The following TNFSF4 variants were observed in gnomAD, a reference collection of about 807,000 sequenced individuals.
The protein encoded by TNFSF4 is TNF superfamily member 4.
TNFSF4 carries 4 observed loss-of-function variants against 7.3 expected under a neutral mutation model. That is an observed-to-expected ratio of 0.55 (90% CI 0.27 to 1.25). The LOEUF is 1.25. Among genes scored for constraint, TNFSF4 ranks in the 50% most tolerant of loss-of-function variants. The probability of loss-of-function intolerance (pLI) is 0.12; values close to 1 mark genes in which losing one functional copy is unlikely to be tolerated. For synonymous variants in TNFSF4, 76 were observed against 83.7 expected, an observed-to-expected ratio of 0.91 and a Z score of 0.50; for missense variants, 181 against 208.8, an observed-to-expected ratio of 0.87 and a Z score of 0.82.
chr1:173,447,799 T>C, the TNFSF4 span, among the ~76,000 whole-genome samples: 1 of 152,098 alleles, frequency 6.6e-6, no homozygotes, highest in East Asian at 1.9e-4. Context: ...TTACATTAAA[T>C]ATAAATTATC....
At chr1:173,211,249 C>T (rs3861953), upstream of TNFSF4, among the ~76,000 whole-genome samples, 10,818 of 152,226 alleles carry the variant, frequency 0.071, 475 homozygotes, top group East Asian at 0.15. Flanking sequence ...TCGGAGGTGA[C>T]AGAAACAAAT....
At position 173,185,390 on chromosome 1, in the gene TNFSF4, T is replaced by C. The variant is rs1328361240; in HGVS notation, c.*1126A>G. The stretch of plus-strand genomic sequence containing the variant: ...TTGAAGCCCTGGCATAGGCTGATTA[T>C]AGACCCTTCTAGTTTCAATTATCAA... On this transcript the variant is annotated 3_prime_UTR_variant, in exon 3 of 3. Transcript: ENST00000281834. 1.3e-5 allele frequency: 2 copies of C among 152,206 alleles called. No individual in the cohort carries two copies. Among genetic ancestry groups the C allele is most frequent in the Non-Finnish European group, 2.9e-5 (2 of 68,032 alleles). 9.4% of individuals were successfully genotyped at this position (152,206 alleles called of 1,614,324 possible). A position where few individuals can be genotyped will look rare whatever the true frequency, so the allele number is the denominator to read the frequency against.
intron 1 of TNFSF4, among the ~76,000 whole-genome samples, chr1:173,197,387 T>C (rs1283993102): frequency 2.6e-5 from 4 of 152,226 alleles, no homozygotes; most frequent in Non-Finnish European, 5.9e-5. Context: ...CATGCACACA[T>C]ATGTTCATTG....
chr1:173,317,681 AAAG>A, the TNFSF4 span, among the ~76,000 whole-genome samples: 1 of 152,248 alleles, frequency 6.6e-6, no homozygotes, highest in Admixed American at 6.5e-5. Flanking sequence ...CAATGAATGG[AAAG>A]AAGAATATTA....
At chr1:173,250,106 T>C in the TNFSF4 span, among the ~76,000 whole-genome samples, 1 of 152,246 alleles carries the variant, frequency 6.6e-6, no homozygotes, top group Admixed American at 6.5e-5. Flanking sequence ...TCCCTGTTCG[T>C]CAGTGCACCT....
chr1:173,337,245 G>C, the TNFSF4 span, among the ~76,000 whole-genome samples: 1 of 152,150 alleles, frequency 6.6e-6, no homozygotes, highest in Non-Finnish European at 1.5e-5. Context: ...CTCTTGGCCT[G>C]CTACTGGCCT....
At chr1:173,208,056 A>G (rs1411892754), upstream of TNFSF4, among the ~76,000 whole-genome samples, 2 of 152,240 alleles carry the variant, frequency 1.3e-5, no homozygotes, top group East Asian at 1.9e-4. Flanking sequence ...ACAAATGAAT[A>G]GATGTAAATA....
At chr1:173,355,841 T>G in the TNFSF4 span, among the ~76,000 whole-genome samples, 218 of 152,322 alleles carry the variant, frequency 1.4e-3, 1 homozygote, top group African/African-American at 4.8e-3. Context: ...AAGCCACAGT[T>G]CCCATACTCA....
chr1:173,336,839 CT>C, the TNFSF4 span, among the ~76,000 whole-genome samples: 1 of 151,930 alleles, frequency 6.6e-6, no homozygotes, highest in South Asian at 2.1e-4. Flanking sequence ...GGAGACATCG[CT>C]TCGAAAAGTA....
At chr1:173,307,780 G>A in the TNFSF4 span, among the ~76,000 whole-genome samples, 5 of 151,882 alleles carry the variant, frequency 3.3e-5, no homozygotes, top group Non-Finnish European at 7.4e-5. Flanking sequence ...GAAAGGGAGT[G>A]CAGAATATGA....
chr1:173,439,607 G>A, the TNFSF4 span, among the ~76,000 whole-genome samples: 1 of 152,166 alleles, frequency 6.6e-6, no homozygotes, highest in African/African-American at 2.4e-5. Flanking sequence ...GACAATTGAA[G>A]GAAAGAAGAG....
rs1222555123 is a variant in TNFSF4, at chr1:173,184,728, C to CA, written c.*1787dup. The CA allele has an allele frequency of 1.2e-4, 18 of 152,156 alleles. No individual in the cohort carries two copies. Among genetic ancestry groups the CA allele is most frequent in the African/African-American group, 4.3e-4 (18 of 41,430 alleles). 9.4% of individuals were successfully genotyped at this position (152,156 alleles called of 1,614,324 possible). A position where few individuals can be genotyped will look rare whatever the true frequency, so the allele number is the denominator to read the frequency against. ...ACACACACACACACACACACAAACA[C>CA]ACACACAATCTTCTGAGTAGTGAAG... On this transcript the variant is annotated 3_prime_UTR_variant, in exon 3 of 3. Coordinates refer to ENST00000281834, the MANE Select transcript of TNFSF4 (RefSeq NM_003326.5).
the TNFSF4 span, among the ~76,000 whole-genome samples, chr1:173,357,206 A>C: frequency 6.6e-6 from 1 of 152,332 alleles, no homozygotes; most frequent in South Asian, 2.1e-4. Flanking sequence ...TAATAGCTTA[A>C]GATGTAGGCC....
At chr1:173,442,192 C>T in the TNFSF4 span, 1 of 152,280 alleles carries the variant, frequency 6.6e-6, no homozygotes, top group South Asian at 2.1e-4. Flanking sequence ...TCAAGCTCCC[C>T]CTGTGAAATA....
the TNFSF4 span, among the ~76,000 whole-genome samples, chr1:173,446,599 A>ACC: frequency 1.3e-5 from 2 of 151,878 alleles, no homozygotes; most frequent in East Asian, 3.9e-4. Context: ...GGAGAGGCAG[A>ACC]CCCCCCCTCA....
chr1:173,243,162 T>C, the TNFSF4 span, among the ~76,000 whole-genome samples: 1 of 152,138 alleles, frequency 6.6e-6, no homozygotes, highest in African/African-American at 2.4e-5. Flanking sequence ...TCCCCTTAAC[T>C]ACTCTATAGA....
the TNFSF4 span, among the ~76,000 whole-genome samples, chr1:173,432,530 C>T: frequency 2.0e-5 from 3 of 152,144 alleles, no homozygotes; most frequent in African/African-American, 7.2e-5. Context: ...AGAAGGTTGC[C>T]TTACTAGAAA....
At chr1:173,328,224 A>G in the TNFSF4 span, among the ~76,000 whole-genome samples, 1 of 152,030 alleles carries the variant, frequency 6.6e-6, no homozygotes, top group African/African-American at 2.4e-5. Flanking sequence ...TGAAGCTGAA[A>G]ACCATCATTC....
chr1:173,332,633 AT>A, the TNFSF4 span, among the ~76,000 whole-genome samples: 1 of 152,178 alleles, frequency 6.6e-6, no homozygotes, highest in Admixed American at 6.5e-5. Flanking sequence ...AGGCGGGTGG[AT>A]CACGAGGTCA....
Sources: gnomAD v4.1 joint callset for allele counts (sites outside exome capture counted in the v4.1 genomes callset) on GRCh38, gnomAD v4.1.1 for gene constraint, MANE v1.5 for transcripts, NCBI Gene and HGNC (gene_info 2026-07-23, HGNC 2026-07-21) for gene names.